The following IQCM variants were observed in gnomAD, a reference collection of about 807,000 sequenced individuals.
IQCM encodes the protein IQ domain-containing protein M.
IQCM carries 45 observed loss-of-function variants against 57.6 expected under a neutral mutation model. The observed-to-expected ratio is 0.78, with a 90% confidence interval of 0.62 to 1.00. IQCM has a LOEUF of 1.00. Among genes scored for constraint, IQCM ranks in the 50% least tolerant of loss-of-function variants. The pLI, the probability that IQCM is intolerant of heterozygous loss-of-function variation, is 0.00. For synonymous variants in IQCM, 148 were observed against 158.9 expected (o/e 0.93, Z 0.51); for missense variants, 468 against 511.6 (o/e 0.91, Z 0.82).
chr4:149,639,263 A>C (rs1029072943), intron 7 of IQCM, among the ~76,000 whole-genome samples: 2 of 151,754 alleles, frequency 1.3e-5, no homozygotes, highest in African/African-American at 2.4e-5. Flanking sequence ...CTGTCTCTAC[A>C]AAAAATTTAA....
intron 5 of IQCM, among the ~76,000 whole-genome samples, chr4:149,688,757 T>A (rs1262361025): frequency 6.6e-6 from 1 of 151,892 alleles, no homozygotes. Context: ...AAAATAGGCA[T>A]ATAAACCAAT....
chr4:149,578,489 C>T (rs1460557208), intron 9 of IQCM, among the ~76,000 whole-genome samples: 1 of 151,724 alleles, frequency 6.6e-6, no homozygotes, highest in Non-Finnish European at 1.5e-5. Flanking sequence ...AAAGGGAACA[C>T]AGTAAATTGT....
chr4:149,426,184 G>A (rs746505947), intron 13 of IQCM, among the ~76,000 whole-genome samples: 3 of 151,898 alleles, frequency 2.0e-5, no homozygotes, highest in Non-Finnish European at 2.9e-5. Context: ...TCTCAGAACC[G>A]GTTTTAAATA....
At position 149,714,791 on chromosome 4, in the gene IQCM, T is replaced by C. The variant is rs2149839121; in HGVS notation, c.385+18453A>G. On this transcript the variant is annotated intron_variant, in intron 5 of 13. Coordinates refer to ENST00000636793, the MANE Select transcript of IQCM (RefSeq NM_001363507.2). Reference sequence around the variant, plus strand: ...TTACTTGAATACAAGTACTGCAATATGGCAACAACCAAGCTGATAACCAAG... The same window carrying C: ...TTACTTGAATACAAGTACTGCAATACGGCAACAACCAAGCTGATAACCAAG... Among the ~76,000 whole-genome samples the C allele has an allele frequency of 1.3e-5, 2 of 152,278 alleles. 1 individual carries two copies. The highest frequency in any genetic ancestry group is 4.1e-4 in the South Asian group (2 of 4,828).
intron 12 of IQCM, among the ~76,000 whole-genome samples, chr4:149,500,866 A>G (rs1743169224): frequency 6.6e-6 from 1 of 152,188 alleles, no homozygotes; most frequent in Non-Finnish European, 1.5e-5. Context: ...GCAAAATCAC[A>G]TGATATTTTA....
chr4:149,771,818 T>C (rs1770611328), intron 2 of IQCM, among the ~76,000 whole-genome samples: 1 of 152,158 alleles, frequency 6.6e-6, no homozygotes, highest in African/African-American at 2.4e-5. Flanking sequence ...GCTTTTACTA[T>C]CTTTATTAAA....
chr4:149,414,832 T>A (rs1160205904), intron 13 of IQCM, among the ~76,000 whole-genome samples: 1 of 152,030 alleles, frequency 6.6e-6, no homozygotes, highest in African/African-American at 2.4e-5. Context: ...ATTTAATAGA[T>A]TAAAAGTTTT....
At chr4:149,493,198 A>G (rs932920537) in intron 12 of IQCM, among the ~76,000 whole-genome samples, 4 of 152,064 alleles carry the variant, frequency 2.6e-5, no homozygotes, top group Non-Finnish European at 5.9e-5. Context: ...AACAACCTTT[A>G]AATACTTTAA....
At chr4:149,386,525 G>A (rs1447690132) in intron 13 of IQCM, among the ~76,000 whole-genome samples, 1 of 151,946 alleles carries the variant, frequency 6.6e-6, no homozygotes, top group African/African-American at 2.4e-5. Flanking sequence ...TACTGCAATT[G>A]TCATTATCAT....
At chr4:149,493,579 T>C (rs565724762) in intron 12 of IQCM, among the ~76,000 whole-genome samples, 10 of 152,172 alleles carry the variant, frequency 6.6e-5, no homozygotes, top group African/African-American at 2.4e-4. Context: ...ATCTCCTGTG[T>C]TTGCATTAAG....
intron 13 of IQCM, among the ~76,000 whole-genome samples, chr4:149,354,819 G>T (rs891732983): frequency 6.6e-6 from 1 of 152,066 alleles, no homozygotes. Context: ...AGATATATTT[G>T]TAATAATATT....
chr4:149,540,834 C>T (rs866874806), intron 12 of IQCM, among the ~76,000 whole-genome samples: 11 of 152,158 alleles, frequency 7.2e-5, no homozygotes, highest in Middle Eastern at 6.8e-3. Context: ...TGCCAGTGTT[C>T]TTCATTTCAC....
chr4:149,678,630 A>G (rs1314444366), intron 7 of IQCM, among the ~76,000 whole-genome samples: 1 of 151,662 alleles, frequency 6.6e-6, no homozygotes, highest in Admixed American at 6.6e-5. Flanking sequence ...ACAAACCCAG[A>G]ATACTATAAT....
At chr4:149,794,096 T>G (rs1159267294) in intron 2 of IQCM, among the ~76,000 whole-genome samples, 1 of 152,174 alleles carries the variant, frequency 6.6e-6, no homozygotes, top group Non-Finnish European at 1.5e-5. Flanking sequence ...GAGTGGCACA[T>G]GAGGCCTGTA....
At chr4:149,473,615 C>T (rs1224543963) in intron 12 of IQCM, among the ~76,000 whole-genome samples, 1 of 152,160 alleles carries the variant, frequency 6.6e-6, no homozygotes, top group Non-Finnish European at 1.5e-5. Context: ...CCCAGCCATC[C>T]CATTACTGGG....
chr4:149,549,359 CAA>C (rs561288431), intron 11 of IQCM, among the ~76,000 whole-genome samples: 2 of 150,268 alleles, frequency 1.3e-5, no homozygotes, highest in East Asian at 3.9e-4. Flanking sequence ...ACTAAAAATA[CAA>C]AAAAAAATTA....
chr4:149,651,672 A>G (rs1449188151), intron 7 of IQCM, among the ~76,000 whole-genome samples: 1 of 152,218 alleles, frequency 6.6e-6, no homozygotes, highest in African/African-American at 2.4e-5. Flanking sequence ...GATGAATGAC[A>G]AAAGAAAAAT....
chr4:149,601,475 A>AT (rs1373932775), intron 8 of IQCM, among the ~76,000 whole-genome samples: 1 of 152,132 alleles, frequency 6.6e-6, no homozygotes, highest in African/African-American at 2.4e-5. Flanking sequence ...AAATATGTAT[A>AT]TTTTTGATCT....
chr4:149,474,226 G>C (rs928132298), intron 12 of IQCM, among the ~76,000 whole-genome samples: 1 of 151,672 alleles, frequency 6.6e-6, no homozygotes, highest in Non-Finnish European at 1.5e-5. Context: ...AAGGAATAGG[G>C]CATACAGAGA....
Sources: gnomAD v4.1 joint callset for allele counts (sites outside exome capture counted in the v4.1 genomes callset) on GRCh38, gnomAD v4.1.1 for gene constraint, MANE v1.5 for transcripts, NCBI Gene and HGNC (gene_info 2026-07-23, HGNC 2026-07-21) for gene names.